The following PCSK5 variants were observed in gnomAD, a reference collection of about 807,000 sequenced individuals.
The protein encoded by PCSK5 is proprotein convertase subtilisin/kexin type 5.
A neutral mutation model predicts 233.2 loss-of-function variants in PCSK5; 129 were observed. That is an observed-to-expected ratio of 0.55 (90% CI 0.48 to 0.64). The LOEUF (loss-of-function observed/expected upper bound fraction) is 0.64, where lower values mean the gene tolerates loss of function less well. Ranked by LOEUF, PCSK5 falls within the 30% of genes least tolerant of loss-of-function variation. PCSK5 has a pLI of 0.00. For synonymous variants in PCSK5, 825 were observed against 879.2 expected, an observed-to-expected ratio of 0.94 and a Z score of 1.09; for missense variants, 2,076 against 2,430.1, an observed-to-expected ratio of 0.85 and a Z score of 3.06.
chr9:76,050,431 A>T (rs10120167), intron 5 of PCSK5, among the ~76,000 whole-genome samples: 1 of 152,106 alleles, frequency 6.6e-6, no homozygotes, highest in Non-Finnish European at 1.5e-5. Context: ...CTCTTTATAG[A>T]TCTTTTCTAG....
intron 1 of PCSK5, among the ~76,000 whole-genome samples, chr9:75,928,817 C>A (rs552077954): frequency 4.6e-5 from 7 of 151,518 alleles, no homozygotes; most frequent in Non-Finnish European, 1.0e-4. Context: ...TAGAACTAAA[C>A]CATTTTTGCT....
At chr9:76,249,450 A>G (rs1425301833) in intron 24 of PCSK5, among the ~76,000 whole-genome samples, 2 of 152,208 alleles carry the variant, frequency 1.3e-5, no homozygotes, top group Non-Finnish European at 2.9e-5. Flanking sequence ...TAAAACAATC[A>G]AGAAAATGCA....
intron 36 of PCSK5, 124 bp downstream of exon 36, chr9:76,351,052 G>T: frequency 1.7e-6 from 1 of 595,716 alleles, no homozygotes. Flanking sequence ...AATAGTGTAT[G>T]TTTAGTATTT....
At chr9:75,903,906 A>AT (rs1826160239) in intron 1 of PCSK5, among the ~76,000 whole-genome samples, 1 of 152,094 alleles carries the variant, frequency 6.6e-6, no homozygotes, top group African/African-American at 2.4e-5. Flanking sequence ...TCCTGTGCCT[A>AT]TTCTAGTTTC....
chr9:76,034,127 G>A (rs1465212177), intron 5 of PCSK5, among the ~76,000 whole-genome samples: 1 of 152,070 alleles, frequency 6.6e-6, no homozygotes, highest in African/African-American at 2.4e-5. Flanking sequence ...CGGTGTAATA[G>A]GAAAAGCCTT....
At chr9:75,910,056 C>T (rs536954542) in intron 1 of PCSK5, among the ~76,000 whole-genome samples, 9 of 152,230 alleles carry the variant, frequency 5.9e-5, no homozygotes, top group East Asian at 1.9e-4. Flanking sequence ...GCCCAGTGCA[C>T]GATAGATATA....
chr9:76,092,937 CA>C (rs1831355790), intron 7 of PCSK5, among the ~76,000 whole-genome samples: 1 of 151,992 alleles, frequency 6.6e-6, no homozygotes, highest in Non-Finnish European at 1.5e-5. Flanking sequence ...AAGACATGGT[CA>C]TAGAAGACTG....
Position 76,263,634 on chromosome 9 carries a change from G to T in PCSK5, c.3142+22950G>T, listed in dbSNP as rs184840651. On this transcript the variant is annotated intron_variant, in intron 24 of 37. Coordinates refer to ENST00000674117, the MANE Select transcript of PCSK5 (RefSeq NM_001372043.1). ...CACACTCTGGGGACTGTTGTGGGGT[G>T]GGGGGAGTGGGGAGGGATAGCATTA... Among the ~76,000 whole-genome samples, 7 of 151,966 alleles carry T rather than the reference G, an allele frequency of 4.6e-5. No homozygotes were observed. The East Asian group carries it at 7.8e-4, about 17-fold the overall frequency.
At chr9:76,153,424 C>T (rs1049882512) in intron 10 of PCSK5, among the ~76,000 whole-genome samples, 1 of 152,198 alleles carries the variant, frequency 6.6e-6, no homozygotes, top group African/African-American at 2.4e-5. Flanking sequence ...TTCCTGTTCA[C>T]ACCAATGTTA....
intron 9 of PCSK5, among the ~76,000 whole-genome samples, chr9:76,133,602 C>T (rs1409166033): frequency 3.9e-5 from 6 of 152,022 alleles, no homozygotes; most frequent in Admixed American, 6.6e-5. Context: ...GATGCTGTTT[C>T]GTTGAGATTT....
chr9:76,300,339 C>T (rs1437317984), intron 27 of PCSK5, among the ~76,000 whole-genome samples: 2 of 152,108 alleles, frequency 1.3e-5, no homozygotes, highest in Non-Finnish European at 2.9e-5. Flanking sequence ...GTTATTTAAC[C>T]TACCAGAACA....
chr9:76,071,781 C>T lies in PCSK5; in HGVS notation c.777C>T (p.Ser259=), dbSNP rs1039659023. ...ACATGGTTGAAGCAAAATCAGTTAG[C>T]TTCAACCCCCAGCACGTGCACATTT... ...VTDMVEAKSV[S]FNPQHVHIYS... The change falls in exon 7 of 38, where the codon AGC becomes AGT. Residue 259 remains serine, a synonymous_variant. Coordinates refer to ENST00000674117, the MANE Select transcript of PCSK5 (RefSeq NM_001372043.1). 3 of 1,614,032 alleles carry T rather than the reference C, an allele frequency of 1.9e-6. No individual in the cohort carries two copies. The highest frequency in any genetic ancestry group is 1.3e-5 in the African/African-American group (1 of 74,920).
At position 75,988,916 on chromosome 9, in the gene PCSK5, G is replaced by A. The variant is rs1023015960; in HGVS notation, c.411+2671G>A. On this transcript the variant is annotated intron_variant, in intron 3 of 37. Transcript: ENST00000674117. ...AACATCCTGTCTCCACCCTTCTGCT[G>A]TTTACGGTGCTGTGAGGAAGCCTCT... Among the ~76,000 whole-genome samples, 7 of 152,222 alleles carry A rather than the reference G, an allele frequency of 4.6e-5. No individual in the cohort carries two copies. The East Asian group carries it at 7.7e-4, about 17-fold the overall frequency.
At chr9:75,906,904 T>G (rs951188187) in intron 1 of PCSK5, among the ~76,000 whole-genome samples, 1 of 152,232 alleles carries the variant, frequency 6.6e-6, no homozygotes, top group African/African-American at 2.4e-5. Context: ...CTCAATGCTT[T>G]CCTGTTGCTC....
chr9:76,145,780 C>T (rs1223664713), intron 10 of PCSK5, among the ~76,000 whole-genome samples: 2 of 152,146 alleles, frequency 1.3e-5, no homozygotes, highest in Non-Finnish European at 2.9e-5. Flanking sequence ...TACATCTTTT[C>T]CAAATTTAAT....
At chr9:75,955,054 C>A (rs1825031498) in intron 2 of PCSK5, among the ~76,000 whole-genome samples, 1 of 152,108 alleles carries the variant, frequency 6.6e-6, no homozygotes, top group African/African-American at 2.4e-5. Context: ...ATTCGGACTG[C>A]CTATATGAAG....
chr9:76,266,584 T>C (rs1827340673), intron 24 of PCSK5, among the ~76,000 whole-genome samples: 1 of 152,202 alleles, frequency 6.6e-6, no homozygotes, highest in African/African-American at 2.4e-5. Context: ...GAGCCTTCTG[T>C]GATCAAGCTC....
At chr9:76,199,993 C>T (rs1824856565) in intron 20 of PCSK5, among the ~76,000 whole-genome samples, 1 of 152,098 alleles carries the variant, frequency 6.6e-6, no homozygotes, top group African/African-American at 2.4e-5. Flanking sequence ...TCTAAATGGT[C>T]TACTTCTGCC....
At position 76,358,802 on chromosome 9, in the gene PCSK5, TG is replaced by T. The variant is rs2131537745; in HGVS notation, c.5545del (p.Asp1849ThrfsTer25). On this transcript the variant is annotated frameshift_variant, in exon 38 of 38. Transcript: ENST00000674117. LOFTEE classifies it high-confidence loss of function. ...GGGACTATGATGAGGATGATGATGA[TG>T]ACATCGTCTACATGGGCCAGGATGG... ...DRDYDEDDDD[D>X]IVYMGQDGTV... 1 of 1,612,796 alleles carries T rather than the reference TG, an allele frequency of 6.2e-7. No homozygotes were observed. The highest frequency in any genetic ancestry group is 8.5e-7 in the Non-Finnish European group (1 of 1,179,776).
Sources: allele counts gnomAD v4.1 joint callset (sites outside exome capture counted in the v4.1 genomes callset), GRCh38; gene constraint gnomAD v4.1.1; transcripts MANE v1.5; gene names NCBI Gene and HGNC (gene_info 2026-07-23, HGNC 2026-07-21).